SEC14L3: variants seen among roughly 807,000 people sequenced by gnomAD.
SEC14L3 encodes the protein SEC14 like lipid binding 3, also known as SEC14-like protein 3.
SEC14L3 carries 56 observed loss-of-function variants against 57.4 expected under a neutral mutation model. The observed-to-expected ratio is 0.97, with a 90% CI of 0.79 to 1.22. The LOEUF (loss-of-function observed/expected upper bound fraction) is 1.22, where lower values mean the gene tolerates loss of function less well. Among genes scored for constraint, SEC14L3 ranks in the 50% most tolerant of loss-of-function variants. The pLI is 0.00. For synonymous variants in SEC14L3, 173 were observed against 194.4 expected (o/e 0.89, Z 0.92); for missense variants, 485 against 511.7 (o/e 0.95, Z 0.50).
At chr22:30,469,655 G>A (rs186771217) in intron 4 of SEC14L3, among the ~76,000 whole-genome samples, 4 of 152,308 alleles carry the variant, frequency 2.6e-5, no homozygotes, top group South Asian at 2.1e-4. Flanking sequence ...CAGGCTAACC[G>A]TGGTGGTTAC....
intron 1 of SEC14L3, 67 bp from the exon 2 acceptor site, chr22:30,470,649 T>A: frequency 6.2e-7 from 1 of 1,608,354 alleles, no homozygotes; most frequent in Non-Finnish European, 8.5e-7. Flanking sequence ...ACTCAAAGAC[T>A]GTTTTCACAA....
In SEC14L3 at chr22:30,470,253, G is replaced by A. The variant is rs115083767; in HGVS notation, c.133C>T (p.Arg45Trp). Residue 45 changes from arginine to tryptophan, a missense_variant and splice_region_variant, in exon 3 of 12, where the codon CGG becomes TGG. Transcript: ENST00000215812. ...TCCGACTTCTGCAAGTCAAAATTCC[G>A]AGCTGTGGGAAAACAGAAGGAAGGT... Reference protein sequence around the residue: ...DYFLLRWLRARNFDLQKSEAL... With the variant: ...DYFLLRWLRAWNFDLQKSEAL... 162 of 1,613,204 alleles carry A rather than the reference G, an allele frequency of 1.0e-4. No homozygotes were observed. In the African/African-American group the frequency reaches 1.4e-3, roughly 14 times the overall value.
intron 8 of SEC14L3, 71 bp downstream of exon 8, chr22:30,464,749 A>G (rs1935364199): frequency 2.2e-6 from 3 of 1,393,390 alleles, no homozygotes; most frequent in Non-Finnish European, 3.1e-6. Context: ...GGAGTTCTAG[A>G]TGGGGTAATG....
intron 12 of SEC14L3, among the ~76,000 whole-genome samples, chr22:30,453,508 G>A (rs951180317): frequency 6.6e-6 from 1 of 152,164 alleles, no homozygotes; most frequent in African/African-American, 2.4e-5. Flanking sequence ...CACCTCCCGA[G>A]TCCAAGTGAT....
chr22:30,449,721 T>C (rs1934945378), intron 12 of SEC14L3, among the ~76,000 whole-genome samples: 1 of 152,074 alleles, frequency 6.6e-6, no homozygotes, highest in South Asian at 2.1e-4. Flanking sequence ...TGCACCACCA[T>C]GCCCAACTAA....
chr22:30,470,435 C>G (rs894261738), intron 2 of SEC14L3, 72 bp downstream of exon 2: 2 of 1,607,564 alleles, frequency 1.2e-6, no homozygotes, highest in Non-Finnish European at 1.7e-6. Context: ...AGCCATGAGA[C>G]ACTCTGGAGC....
intron 4 of SEC14L3, 49 bp from the exon 5 acceptor site, chr22:30,468,745 G>C (rs1935508768): frequency 6.2e-7 from 1 of 1,613,770 alleles, no homozygotes; most frequent in Non-Finnish European, 8.5e-7. Flanking sequence ...CCTCCCTTGA[G>C]ACCCCAGACC....
intron 12 of SEC14L3, among the ~76,000 whole-genome samples, chr22:30,451,551 A>T (rs1183024147): frequency 6.6e-6 from 1 of 152,222 alleles, no homozygotes; most frequent in African/African-American, 2.4e-5. Flanking sequence ...GAAAAGAAAG[A>T]ACTTGCTGAA....
At chr22:30,469,984 G>A (rs764111827) in intron 4 of SEC14L3, 35 bp downstream of exon 4, 101 of 1,479,062 alleles carry the variant, frequency 6.8e-5, no homozygotes, top group Middle Eastern at 5.7e-4. Context: ...TGGTACGTCC[G>A]TGAAAGACTG....
At chr22:30,455,106 AATATTT>A (rs1569225640), downstream of SEC14L3, among the ~76,000 whole-genome samples, 1 of 26,772 alleles carries the variant, frequency 3.7e-5, no homozygotes, top group African/African-American at 2.3e-4. Flanking sequence ...TAATATATTT[AATATTT>A]AATATTTAAT....
intron 9 of SEC14L3, 125 bp from the exon 10 acceptor site, chr22:30,461,819 C>T: frequency 7.4e-7 from 1 of 1,356,550 alleles, no homozygotes; most frequent in Non-Finnish European, 1.0e-6. Context: ...TCTCCCACCT[C>T]CTCAAGCCTT....
intron 1 of SEC14L3, 64 bp from the exon 2 acceptor site, chr22:30,470,646 G>A: frequency 6.2e-7 from 1 of 1,610,036 alleles, no homozygotes; most frequent in Non-Finnish European, 8.5e-7. Flanking sequence ...CAGACTCAAA[G>A]ACTGTTTTCA....
Position 30,461,419 on chromosome 22 carries a change from C to T in SEC14L3, c.972G>A (p.Met324Ile), listed in dbSNP as rs778546446. ...TCTCCCCTGCCCGCTGTCGCTCCCC[C>T]ATCTTGGTCTTCAGGAAAACTCCGA... is the stretch of plus-strand genomic sequence containing the variant. The part of the protein sequence containing the change: ...IGFGVFLKTK[M>I]GERQRAGEMT... The change falls in exon 11 of 12, where the codon ATG (methionine) becomes ATA (isoleucine). Residue 324 changes from methionine to isoleucine, a missense_variant. Physicochemically the swap from Met to Ile is conservative, Grantham distance 10. Transcript: ENST00000215812. 7.4e-6 allele frequency: 12 copies of T among 1,614,094 alleles called. No individual in the cohort carries two copies. The highest frequency in any genetic ancestry group is 1.0e-5 in the Non-Finnish European group (12 of 1,179,984).
chr22:30,462,125 G>T lies in SEC14L3; in HGVS notation c.732C>A (p.Thr244=), dbSNP rs529434524. ...TGGGGTTCCCATCTGGGTCAGTCAG[G>T]GTGCCCCCAAACTGGGCAGGCAGTT... The part of the protein sequence containing the change: ...PEELPAQFGG[T]LTDPDGNPKC... The change falls in exon 9 of 12, where the codon ACC becomes ACA. Residue 244 remains threonine (T), a synonymous_variant. Coordinates refer to ENST00000215812, the MANE Select transcript of SEC14L3 (RefSeq NM_174975.5). 2 of 1,613,938 alleles carry T rather than the reference G, an allele frequency of 1.2e-6. No individual in the cohort carries two copies. Among genetic ancestry groups the T allele is most frequent in the African/African-American group, 1.3e-5 (1 of 74,880 alleles).
chr22:30,456,616 T>C (rs961972922), downstream of SEC14L3, among the ~76,000 whole-genome samples: 15 of 152,188 alleles, frequency 9.9e-5, no homozygotes, highest in South Asian at 1.5e-3. Flanking sequence ...ATGAAGGATC[T>C]ACCGCCATGA....
chr22:30,455,592 A>T (rs990082357), downstream of SEC14L3, among the ~76,000 whole-genome samples: 1 of 152,046 alleles, frequency 6.6e-6, no homozygotes, highest in Non-Finnish European at 1.5e-5. Context: ...TAGGGGAAAA[A>T]CCTGATGTCT....
At position 30,460,051 on chromosome 22, in the gene SEC14L3, C is replaced by A. The variant is rs1006726097; in HGVS notation, c.1173G>T (p.Gln391His). 2 of 1,614,172 alleles carry A rather than the reference C, an allele frequency of 1.2e-6. No homozygotes were observed. Among genetic ancestry groups the A allele is most frequent in the East Asian group, 2.2e-5 (1 of 44,886 alleles). ...VEVLLPDEGM[Q>H]KYDKELTPV ...CAGGGGTGAGCTCCTTATCATATTT[C>A]TGCATGCCCTCGTCAGGGAGCAGGA... Residue 391 changes from glutamine to histidine, a missense_variant, in exon 12 of 12, where the codon CAG becomes CAT. Gln to His is a conservative substitution (Grantham distance 24, BLOSUM62 0). Coordinates refer to ENST00000215812, the MANE Select transcript of SEC14L3 (RefSeq NM_174975.5).
chr22:30,468,925 T>C, intron 4 of SEC14L3: 1 of 1,484,648 alleles, frequency 6.7e-7, no homozygotes, highest in Non-Finnish European at 9.0e-7. Context: ...CTTGGACTTC[T>C]TAGGTCTGCC....
chr22:30,462,312 C>A, intron 8 of SEC14L3, 120 bp from the exon 9 acceptor site: 1 of 1,425,018 alleles, frequency 7.0e-7, no homozygotes. Context: ...CTGCCAGGAC[C>A]AATTCCCCAG....
Sources: allele counts gnomAD v4.1 joint callset (sites outside exome capture counted in the v4.1 genomes callset), GRCh38; gene constraint gnomAD v4.1.1; transcripts MANE v1.5; gene names NCBI Gene and HGNC (gene_info 2026-07-23, HGNC 2026-07-21).